Variants in C1orf105 observed in about 807,000 individuals in gnomAD.
C1orf105 encodes the protein chromosome 1 open reading frame 105.
A neutral mutation model predicts 20.8 loss-of-function variants in C1orf105; 17 were observed. The observed-to-expected ratio is 0.82, with a 90% CI of 0.56 to 1.23. The LOEUF (loss-of-function observed/expected upper bound fraction) is 1.23, where lower values mean the gene tolerates loss of function less well. C1orf105 is among the 50% of genes most tolerant of loss of function. The probability of loss-of-function intolerance (pLI) is 0.00; values close to 1 mark genes in which losing one functional copy is unlikely to be tolerated. For missense variants in C1orf105, 219 were observed against 213.5 expected, an observed-to-expected ratio of 1.03 and a Z score of -0.16; for synonymous variants, 72 against 72.1, an observed-to-expected ratio of 1.00 and a Z score of 0.01.
At chr1:172,453,248 A>C in intron 3 of C1orf105, 1 of 1,517,928 alleles carries the variant, frequency 6.6e-7, no homozygotes, top group East Asian at 2.5e-5. Flanking sequence ...GTGTAAAGGG[A>C]CAGGATTAGA....
chr1:172,460,756 T>G (rs1280111941), intron 4 of C1orf105, among the ~76,000 whole-genome samples: 1 of 152,128 alleles, frequency 6.6e-6, no homozygotes, highest in Non-Finnish European at 1.5e-5. Context: ...GAAATAGATC[T>G]GATGGGGAGT....
Position 172,462,194 on chromosome 1 carries a change from T to C in C1orf105, c.290T>C (p.Met97Thr), listed in dbSNP as rs542751748. ...QEMKMVQPRTMKIPDDPKASF... is the reference protein window; with the variant it reads ...QEMKMVQPRTTKIPDDPKASF... ...CTTCTTGAGGTACAACCAAGAACAA[T>C]GAAAATCCCAGATGATCCAAAAGCA... The change falls in exon 5 of 7, where the codon ATG becomes ACG. Residue 97 changes from methionine (M) to threonine (T), a missense_variant. Transcript: ENST00000367727. 2.7e-4 allele frequency: 428 copies of C among 1,609,322 alleles called. 6 individuals carry two copies. In the South Asian group the frequency reaches 4.5e-3, roughly 17 times the overall value.
At chr1:172,452,346 G>A (rs905336294) in intron 3 of C1orf105, among the ~76,000 whole-genome samples, 2 of 152,184 alleles carry the variant, frequency 1.3e-5, no homozygotes, top group Non-Finnish European at 2.9e-5. Context: ...GTCCTATCAG[G>A]TCTCTCTCAG....
intron 6 of C1orf105, among the ~76,000 whole-genome samples, chr1:172,466,762 C>A (rs1431307050): frequency 6.6e-6 from 1 of 152,178 alleles, no homozygotes; most frequent in Non-Finnish European, 1.5e-5. Context: ...TTTGTGTGCA[C>A]AGGAACAGCA....
intron 4 of C1orf105, among the ~76,000 whole-genome samples, chr1:172,457,117 G>C (rs1649333118): frequency 6.6e-6 from 1 of 152,174 alleles, no homozygotes; most frequent in Admixed American, 6.5e-5. Context: ...CTGAATCAGA[G>C]GCCTGATTCA....
chr1:172,462,697 A>G (rs533154759), intron 5 of C1orf105, among the ~76,000 whole-genome samples: 132 of 152,322 alleles, frequency 8.7e-4, no homozygotes, highest in Non-Finnish European at 1.6e-3. Flanking sequence ...TTTTAAATCA[A>G]GATCGAGTAT....
At chr1:172,445,300 A>AT (rs1647864687) in intron 2 of C1orf105, 142 bp downstream of exon 2, 1 of 708,082 alleles carries the variant, frequency 1.4e-6, no homozygotes. Context: ...AATAGAAATA[A>AT]TCCGGGTTTC....
At chr1:172,468,403 A>G in intron 6 of C1orf105, 46 bp from the exon 7 acceptor site, 4 of 1,471,948 alleles carry the variant, frequency 2.7e-6, no homozygotes, top group Non-Finnish European at 3.7e-6. Context: ...TAAGAATAGA[A>G]TCTAAGTAGT....
At chr1:172,434,861 T>C (rs1183588708) in intron 1 of C1orf105, among the ~76,000 whole-genome samples, 1 of 137,786 alleles carries the variant, frequency 7.3e-6, no homozygotes, top group Non-Finnish European at 1.7e-5. Context: ...GCAAGACTAA[T>C]AAAGAAGAAA....
intron 1 of C1orf105, among the ~76,000 whole-genome samples, chr1:172,441,230 T>A (rs1647258534): frequency 6.6e-6 from 1 of 152,252 alleles, no homozygotes; most frequent in African/African-American, 2.4e-5. Flanking sequence ...GAGTCAAGGT[T>A]AAGTAACCAA....
At chr1:172,462,390 A>T in intron 5 of C1orf105, 145 bp downstream of exon 5, 1 of 567,724 alleles carries the variant, frequency 1.8e-6, no homozygotes, top group Non-Finnish European at 3.0e-6. Flanking sequence ...TTTAGGTTAA[A>T]CCAAATTATT....
At chr1:172,430,976 G>T in intron 1 of C1orf105, 1 of 476,950 alleles carries the variant, frequency 2.1e-6, no homozygotes, top group Non-Finnish European at 3.7e-6. Flanking sequence ...ATATAAGAGG[G>T]CAAACTTAGT....
chr1:172,449,925 T>TTGTTCTGGGTC (rs1648426471), intron 3 of C1orf105, among the ~76,000 whole-genome samples: 1 of 152,212 alleles, frequency 6.6e-6, no homozygotes, highest in Non-Finnish European at 1.5e-5. Flanking sequence ...CATCTCAGGT[T>TTGTTCTGGGTC]TGTTCTGGGT....
intron 1 of C1orf105, 46 bp from the exon 2 acceptor site, chr1:172,445,027 G>A (rs768109923): frequency 3.3e-6 from 5 of 1,494,816 alleles, no homozygotes; most frequent in Admixed American, 1.7e-5. Context: ...TGATAGCAAT[G>A]TTTAAGTGTG....
At chr1:172,442,605 C>A in intron 1 of C1orf105, 1 of 1,613,082 alleles carries the variant, frequency 6.2e-7, no homozygotes, top group South Asian at 1.1e-5. Flanking sequence ...TGGTGTTAGT[C>A]ACAGGTTGAG....
intron 1 of C1orf105, among the ~76,000 whole-genome samples, chr1:172,435,392 C>A (rs539996509): frequency 2.0e-4 from 31 of 152,284 alleles, no homozygotes; most frequent in African/African-American, 7.2e-4. Context: ...AAAAGCTTAT[C>A]CACCACGATC....
Position 172,448,374 on chromosome 1 carries a change from C to T in C1orf105, c.108-67C>T, listed in dbSNP as rs568824511. On this transcript the variant is annotated intron_variant, in intron 2 of 6. Transcript: ENST00000367727. ...GGTGTCCCTTGTATTCTCTCAGAAA[C>T]AACCAAGGGCCTGGCTCTTCAAACA... 938 of 1,095,046 alleles carry T rather than the reference C, an allele frequency of 8.6e-4. 1 individual carries two copies. Among genetic ancestry groups the T allele is most frequent in the Non-Finnish European group, 1.1e-3 (810 of 727,496 alleles). 67.8% of individuals were successfully genotyped at this position (1,095,046 alleles called of 1,614,324 possible).
chr1:172,434,550 AC>A, intron 1 of C1orf105, among the ~76,000 whole-genome samples: 1 of 152,224 alleles, frequency 6.6e-6, no homozygotes, highest in East Asian at 1.9e-4. Context: ...GTTCTTTGAA[AC>A]CAATGAGAAC....
chr1:172,437,728 TATA>T (rs71111014), intron 1 of C1orf105, among the ~76,000 whole-genome samples: 9,950 of 143,980 alleles, frequency 0.069, 365 homozygotes, highest in African/African-American at 0.089. Flanking sequence ...GAACTTAAAG[TATA>T]ATAATAATAA....
Sources: gnomAD v4.1 joint callset for allele counts (sites outside exome capture counted in the v4.1 genomes callset) on GRCh38, gnomAD v4.1.1 for gene constraint, MANE v1.5 for transcripts, NCBI Gene and HGNC (gene_info 2026-07-23, HGNC 2026-07-21) for gene names.